DHX9: variants seen among roughly 807,000 people sequenced by gnomAD.
The protein encoded by DHX9 is DExH-box helicase 9.
Under a neutral mutation model 148.7 loss-of-function variants are expected in DHX9, and 27 were observed. The observed-to-expected ratio is 0.18, with a 90% confidence interval of 0.13 to 0.25. The LOEUF (loss-of-function observed/expected upper bound fraction) is 0.25, where lower values mean the gene tolerates loss of function less well. Among genes scored for constraint, DHX9 ranks in the 10% least tolerant of loss-of-function variants. The pLI, the probability that DHX9 is intolerant of heterozygous loss-of-function variation, is 1.00. For synonymous variants in DHX9, 529 were observed against 516.6 expected, an observed-to-expected ratio of 1.02 and a Z score of -0.33; for missense variants, 796 against 1,559.6, an observed-to-expected ratio of 0.51 and a Z score of 8.25.
chr1:182,868,976 A>G (rs1648423893), intron 14 of DHX9, among the ~76,000 whole-genome samples: 2 of 152,184 alleles, frequency 1.3e-5, no homozygotes, highest in African/African-American at 4.8e-5. Flanking sequence ...GTTTTTCCTA[A>G]TTAACTTAAT....
Position 182,866,954 on chromosome 1 carries a change from T to G in DHX9, c.1475-7T>G. On this transcript the variant is annotated splice_region_variant and splice_polypyrimidine_tract_variant and intron_variant, in intron 13 of 27. Coordinates refer to ENST00000367549, the MANE Select transcript of DHX9 (RefSeq NM_001357.5). ...TCTATAGTTTATTGATTGTTTTTCT[T>G]TTCAAGGTGTGCTCCTGAGAAAATT... is the stretch of plus-strand genomic sequence containing the variant. The G allele has an allele frequency of 6.2e-7, 1 of 1,602,016 alleles. No homozygotes were observed. The highest frequency in any genetic ancestry group is 8.5e-7 in the Non-Finnish European group (1 of 1,176,380).
At chr1:182,879,552 T>TA (rs1648987591) in intron 21 of DHX9, 142 bp downstream of exon 21, 1 of 651,350 alleles carries the variant, frequency 1.5e-6, no homozygotes, top group African/African-American at 1.9e-5. Flanking sequence ...CCTCCAGTCT[T>TA]ACCTTAGATA....
In DHX9 at chr1:182,883,168, A is replaced by G. The variant is rs1297377249; in HGVS notation, c.2944A>G (p.Thr982Ala). ...DCLLTQVFTN[T>A]GPDNNLDVVI... ...TTTGTTGACACAAGTGTTTACTAACACTGGACCAGATAATAATTTGGATGT... is the reference window on the plus strand; with the variant it reads ...TTTGTTGACACAAGTGTTTACTAACGCTGGACCAGATAATAATTTGGATGT... Residue 982 changes from threonine to alanine, a missense_variant, in exon 25 of 28, where the codon ACT (threonine) becomes GCT (alanine). Transcript: ENST00000367549. 6.2e-7 allele frequency: 1 copy of G among 1,613,958 alleles called. No homozygotes were observed. The highest frequency in any genetic ancestry group is 8.5e-7 in the Non-Finnish European group (1 of 1,179,940).
chr1:182,877,827 C>A (rs770604132), intron 19 of DHX9, 194 bp from the exon 20 acceptor site: 175 of 625,554 alleles, frequency 2.8e-4, no homozygotes, highest in South Asian at 5.9e-4. Context: ...GTGGATGTTA[C>A]ATTGCCTTTT....
intron 27 of DHX9, among the ~76,000 whole-genome samples, chr1:182,886,312 C>T (rs1380422796): frequency 1.3e-5 from 2 of 152,044 alleles, no homozygotes; most frequent in African/African-American, 4.8e-5. Context: ...CCTCCTGCCT[C>T]AACCCCCCGA....
intron 6 of DHX9, among the ~76,000 whole-genome samples, chr1:182,854,403 T>C (rs1462265030): frequency 1.3e-5 from 2 of 152,232 alleles, no homozygotes; most frequent in Non-Finnish European, 2.9e-5. Context: ...GCGTAAATCT[T>C]TTTGACATGC....
intron 12 of DHX9, among the ~76,000 whole-genome samples, chr1:182,860,607 A>G (rs766790594): frequency 4.6e-4 from 70 of 152,246 alleles, no homozygotes; most frequent in Admixed American, 1.8e-3. Context: ...GAAGTTCATA[A>G]TGACCCTAAG....
chr1:182,884,804 G>C lies in DHX9; in HGVS notation c.3452G>C (p.Gly1151Ala). 2 of 1,614,072 alleles carry C rather than the reference G, an allele frequency of 1.2e-6. No homozygotes were observed. The highest frequency in any genetic ancestry group is 2.7e-5 in the African/African-American group (2 of 74,998). Residue 1151 changes from glycine to alanine, a missense_variant, in exon 27 of 28, where the codon GGC becomes GCC. Transcript: ENST00000367549. ...PSAAGINLMI[G>A]STRYGDGPRP... ...GCTGCTGGTATCAACCTTATGATTG[G>C]CAGTACACGGTGAGTACCAATATAC...
At chr1:182,864,652 A>C (rs561780754) in intron 12 of DHX9, among the ~76,000 whole-genome samples, 87 of 152,250 alleles carry the variant, frequency 5.7e-4, no homozygotes, top group Non-Finnish European at 1.0e-3. Context: ...TCAGAGAAGC[A>C]TATAAAATAT....
intron 11 of DHX9, 98 bp downstream of exon 11, chr1:182,859,215 A>T (rs1668310766): frequency 9.6e-7 from 1 of 1,045,750 alleles, no homozygotes; most frequent in Admixed American, 2.0e-5. Flanking sequence ...CCTTTTAAGG[A>T]GGGCATATCA....
At chr1:182,856,628 ATCT>A in intron 7 of DHX9, 50 bp downstream of exon 7, 1 of 1,547,106 alleles carries the variant, frequency 6.5e-7, no homozygotes, top group South Asian at 1.1e-5. Flanking sequence ...TAGAGAAGGA[ATCT>A]TCACATTTTA....
chr1:182,876,713 G>C (rs534812720), intron 18 of DHX9, 117 bp from the exon 19 acceptor site: 414 of 930,342 alleles, frequency 4.4e-4, no homozygotes, highest in Non-Finnish European at 6.2e-4. Context: ...CAGTTATTGG[G>C]TGATCTTTTT....
chr1:182,883,451 C>G (rs1214364415), intron 25 of DHX9, 69 bp from the exon 26 acceptor site: 5 of 1,571,426 alleles, frequency 3.2e-6, no homozygotes, highest in Non-Finnish European at 4.4e-6. Flanking sequence ...ATTTTCAAAG[C>G]ACAGTATATA....
chr1:182,841,705 A>C (rs1322103813), intron 1 of DHX9, among the ~76,000 whole-genome samples: 4 of 152,238 alleles, frequency 2.6e-5, no homozygotes, highest in African/African-American at 9.6e-5. Context: ...AGCAAACTAA[A>C]TTCATAGCAT....
intron 4 of DHX9, among the ~76,000 whole-genome samples, 154 bp downstream of exon 4, chr1:182,852,498 A>G (rs900910733): frequency 6.6e-6 from 1 of 152,210 alleles, no homozygotes; most frequent in African/African-American, 2.4e-5. Context: ...ATATTACCAG[A>G]TCATTTATTT....
At chr1:182,851,407 ATC>A (rs777362897) in intron 3 of DHX9, among the ~76,000 whole-genome samples, 1 of 152,220 alleles carries the variant, frequency 6.6e-6, no homozygotes, top group Non-Finnish European at 1.5e-5. Flanking sequence ...CAGAGGAACA[ATC>A]ATTTATTCAA....
chr1:182,859,392 A>G (rs913176702), intron 11 of DHX9, among the ~76,000 whole-genome samples: 1 of 152,194 alleles, frequency 6.6e-6, no homozygotes, highest in Non-Finnish European at 1.5e-5. Flanking sequence ...AGTGTTTTCC[A>G]AATAAAAAAT....
Position 182,887,741 on chromosome 1 carries a change from T to C in DHX9, c.*307T>C. The C allele has an allele frequency of 3.7e-6, 1 of 268,058 alleles. No individual in the cohort carries two copies. Among genetic ancestry groups the C allele is most frequent in the South Asian group, 6.3e-5 (1 of 15,828 alleles). The allele number at this position is 268,058 out of a possible 1,614,324, so 16.6% of individuals were successfully genotyped here. A position where few individuals can be genotyped will look rare whatever the true frequency, so the allele number is the denominator to read the frequency against. On this transcript the variant is annotated 3_prime_UTR_variant, in exon 28 of 28. Coordinates refer to ENST00000367549, the MANE Select transcript of DHX9 (RefSeq NM_001357.5). Reference sequence around the variant, plus strand: ...TTTAATACAATAGAAAATAAAGTATTACACCGAATACTTGCCGTGTAGTTT... The same window carrying C: ...TTTAATACAATAGAAAATAAAGTATCACACCGAATACTTGCCGTGTAGTTT...
intron 6 of DHX9, among the ~76,000 whole-genome samples, chr1:182,855,246 T>G (rs914637266): frequency 6.6e-6 from 1 of 152,238 alleles, no homozygotes; most frequent in Non-Finnish European, 1.5e-5. Context: ...CTGAACGCAT[T>G]GGGCTTGGTA....
Sources: gnomAD v4.1 joint callset for allele counts (sites outside exome capture counted in the v4.1 genomes callset) on GRCh38, gnomAD v4.1.1 for gene constraint, MANE v1.5 for transcripts, NCBI Gene and HGNC (gene_info 2026-07-23, HGNC 2026-07-21) for gene names.